The following GFRA1 variants were observed in gnomAD, a reference collection of about 807,000 sequenced individuals.
GFRA1 encodes GDNF family receptor alpha 1.
A neutral mutation model predicts 51.6 loss-of-function variants in GFRA1; 16 were observed. The ratio of observed to expected loss-of-function variants is 0.31; its 90% CI spans 0.21 to 0.47. The LOEUF (loss-of-function observed/expected upper bound fraction) is 0.47, where lower values mean the gene tolerates loss of function less well. GFRA1 is among the 20% of genes least tolerant of loss of function. The pLI is 1.00. For missense variants in GFRA1, 530 were observed against 594.3 expected (o/e 0.89, Z 1.13); for synonymous variants, 270 against 241.3 (o/e 1.12, Z -1.10).
At chr10:116,224,929 C>T (rs561703150) in intron 4 of GFRA1, among the ~76,000 whole-genome samples, 2 of 152,278 alleles carry the variant, frequency 1.3e-5, no homozygotes, top group South Asian at 2.1e-4. Flanking sequence ...CACAAATGCA[C>T]CCAGCTGTTT....
intron 5 of GFRA1, among the ~76,000 whole-genome samples, chr10:116,166,780 CTTTTTTTTTTTT>C (rs530399969): frequency 2.0e-4 from 15 of 76,442 alleles, no homozygotes; most frequent in African/African-American, 8.2e-4. Context: ...CAACAATCTT[CTTTTTTTTTTTT>C]TTTTTTTTTT....
intron 6 of GFRA1, among the ~76,000 whole-genome samples, chr10:116,120,285 T>C (rs780439176): frequency 1.4e-4 from 21 of 152,202 alleles, no homozygotes; most frequent in Non-Finnish European, 2.4e-4. Flanking sequence ...CCCAGCACTG[T>C]TGGCAAAGAG....
rs370270222 is a variant in GFRA1, at chr10:116,194,024, G to C, written c.433+17607C>G. Among the ~76,000 whole-genome samples, 10 of 144,902 alleles carry C rather than the reference G, an allele frequency of 6.9e-5. No homozygotes were observed. The East Asian group carries it at 1.6e-3, about 24-fold the overall frequency. Reference sequence around the variant, plus strand: ...ACTGTACTCCAGCCTGGGCCACAGAGGGAGACTCCGTCTCAATAAAAAAAA... The same window carrying C: ...ACTGTACTCCAGCCTGGGCCACAGACGGAGACTCCGTCTCAATAAAAAAAA... On this transcript the variant is annotated intron_variant, in intron 5 of 10. Transcript: ENST00000355422.
chr10:116,130,915 T>C (rs1958078774), intron 5 of GFRA1, among the ~76,000 whole-genome samples: 1 of 152,002 alleles, frequency 6.6e-6, no homozygotes, highest in South Asian at 2.1e-4. Context: ...GATAAAAAGT[T>C]GGTAAGGTAG....
Position 116,062,909 on chromosome 10 carries a change from C to T in GFRA1, c.*1489G>A, listed in dbSNP as rs1354419760. ...GATCTGTGCCAAGCAACTCATCTCACCAAACCTAATGTCAACCCTCTTGAT... is the reference window on the plus strand; with the variant it reads ...GATCTGTGCCAAGCAACTCATCTCATCAAACCTAATGTCAACCCTCTTGAT... On this transcript the variant is annotated 3_prime_UTR_variant, in exon 11 of 11. Coordinates refer to ENST00000355422, the MANE Select transcript of GFRA1 (RefSeq NM_005264.8). 6.6e-6 allele frequency: 1 copy of T among 152,228 alleles called. No individual in the cohort carries two copies. Among genetic ancestry groups the T allele is most frequent in the East Asian group, 1.9e-4 (1 of 5,192 alleles). The allele number at this position is 152,228 out of a possible 1,614,324, so 9.4% of individuals were successfully genotyped here.
rs541934262 is a variant in GFRA1 at position 116,243,231 on chromosome 10, T to C, written c.418+26272A>G. 3.9e-5 allele frequency among the ~76,000 whole-genome samples: 6 copies of C among 152,274 alleles called. No homozygotes were observed. The East Asian group carries it at 7.7e-4, about 20-fold the overall frequency. ...ATGCAGCCCCAAACTATAAATTCAT[T>C]TTAATTAAAGATATTTGATAAGCAC... On this transcript the variant is annotated intron_variant, in intron 4 of 10. Coordinates refer to ENST00000355422, the MANE Select transcript of GFRA1 (RefSeq NM_005264.8).
chr10:116,218,636 AGCCACACG>A (rs1212311141), intron 4 of GFRA1, among the ~76,000 whole-genome samples: 2 of 152,156 alleles, frequency 1.3e-5, no homozygotes, highest in Non-Finnish European at 2.9e-5. Context: ...GCAACCGTGT[AGCCACACG>A]GCCAATATTC....
intron 5 of GFRA1, among the ~76,000 whole-genome samples, chr10:116,185,948 T>C (rs1374460219): frequency 6.6e-6 from 1 of 152,260 alleles, no homozygotes; most frequent in East Asian, 1.9e-4. Context: ...ACATGGAGTC[T>C]GGTATACCTC....
intron 6 of GFRA1, among the ~76,000 whole-genome samples, chr10:116,115,008 C>T (rs915677686): frequency 3.9e-5 from 6 of 152,284 alleles, no homozygotes; most frequent in African/African-American, 1.4e-4. Flanking sequence ...CTGCCTAACT[C>T]GCAAACGCTT....
chr10:116,104,127 C>A (rs985216724), intron 6 of GFRA1, among the ~76,000 whole-genome samples: 2 of 152,224 alleles, frequency 1.3e-5, no homozygotes, highest in African/African-American at 2.4e-5. Flanking sequence ...AACACAGGTT[C>A]CCACTGGTAG....
chr10:116,146,208 A>G (rs758442548), intron 5 of GFRA1, among the ~76,000 whole-genome samples: 2 of 152,236 alleles, frequency 1.3e-5, no homozygotes, highest in African/African-American at 2.4e-5. Flanking sequence ...TCACTATCTG[A>G]GCAGATCCCA....
At chr10:116,114,010 C>T (rs1267404423) in intron 6 of GFRA1, among the ~76,000 whole-genome samples, 3 of 152,214 alleles carry the variant, frequency 2.0e-5, no homozygotes, top group African/African-American at 7.2e-5. Flanking sequence ...ACGAGCAACT[C>T]TGCCCCCGGG....
intron 5 of GFRA1, among the ~76,000 whole-genome samples, chr10:116,144,389 C>T (rs1025366497): frequency 2.6e-5 from 4 of 152,008 alleles, no homozygotes; most frequent in African/African-American, 9.7e-5. Context: ...AAATTCAATT[C>T]AAGCTAGTGA....
At chr10:116,166,018 A>T (rs1437161380) in intron 5 of GFRA1, among the ~76,000 whole-genome samples, 1 of 152,136 alleles carries the variant, frequency 6.6e-6, no homozygotes, top group Admixed American at 6.5e-5. Flanking sequence ...CTTTTCATTT[A>T]GCTCCCACTT....
At chr10:116,255,495 GAAAAAAAAAAAC>G (rs899275575) in intron 4 of GFRA1, 223 of 667,982 alleles carry the variant, frequency 3.3e-4, no homozygotes, top group Middle Eastern at 9.7e-4. Context: ...GAATCATCAG[GAAAAAAAAAAAC>G]AAAAAAAAAA....
At chr10:116,244,326 T>C (rs10885883) in intron 4 of GFRA1, among the ~76,000 whole-genome samples, 1 of 125,270 alleles carries the variant, frequency 8.0e-6, no homozygotes, top group South Asian at 2.6e-4. Flanking sequence ...TAATATATAA[T>C]TTTAATAATT....
At chr10:116,143,101 A>C (rs1958641757) in intron 5 of GFRA1, among the ~76,000 whole-genome samples, 1 of 152,160 alleles carries the variant, frequency 6.6e-6, no homozygotes, top group African/African-American at 2.4e-5. Flanking sequence ...ATAAGAAATG[A>C]TTGTGCCATA....
At chr10:116,071,330 A>G (rs1955383251) in intron 9 of GFRA1, among the ~76,000 whole-genome samples, 1 of 152,202 alleles carries the variant, frequency 6.6e-6, no homozygotes, top group African/African-American at 2.4e-5. Context: ...TTAAACTCTT[A>G]GAAGGCCTTG....
At chr10:116,108,106 C>T (rs1957071184) in intron 6 of GFRA1, among the ~76,000 whole-genome samples, 1 of 152,144 alleles carries the variant, frequency 6.6e-6, no homozygotes, top group Admixed American at 6.5e-5. Context: ...TAACAACCTA[C>T]ACTTGCACAA....
Sources: allele counts gnomAD v4.1 joint callset (sites outside exome capture counted in the v4.1 genomes callset), GRCh38; gene constraint gnomAD v4.1.1; transcripts MANE v1.5; gene names NCBI Gene and HGNC (gene_info 2026-07-23, HGNC 2026-07-21).